Variants in BMAL1 observed in about 807,000 individuals in gnomAD.
BMAL1 encodes basic helix-loop-helix ARNT like 1, also known as basic helix-loop-helix ARNT-like protein 1.
At chr11:13,287,127 A>G in the BMAL1 span, among the ~76,000 whole-genome samples, 1 of 152,206 alleles carries the variant, frequency 6.6e-6, no homozygotes, top group African/African-American at 2.4e-5. Flanking sequence ...TTTCGACATC[A>G]TGAACCACAT....
At chr11:13,376,826 T>C in the BMAL1 span, 2 of 1,194,344 alleles carry the variant, frequency 1.7e-6, no homozygotes, top group South Asian at 1.5e-5. Flanking sequence ...TCCATTCATA[T>C]TCTGTGGAAC....
chr11:13,380,654 A>G, the BMAL1 span: 5 of 153,924 alleles, frequency 3.2e-5, no homozygotes, highest in Non-Finnish European at 5.8e-5. Context: ...CCATGTCCTA[A>G]GAGTATTCAC....
chr11:13,381,333 T>TG, the BMAL1 span: 1 of 1,356,366 alleles, frequency 7.4e-7, no homozygotes, highest in Non-Finnish European at 1.0e-6. Flanking sequence ...AGTATGGAAT[T>TG]GCAACTGCGA....
At chr11:13,301,414 G>A in the BMAL1 span, among the ~76,000 whole-genome samples, 3 of 152,232 alleles carry the variant, frequency 2.0e-5, no homozygotes, top group African/African-American at 7.2e-5. Context: ...CAGGGAGTGG[G>A]AAGGATAAAG....
the BMAL1 span, among the ~76,000 whole-genome samples, chr11:13,298,198 A>G: frequency 6.6e-6 from 1 of 152,218 alleles, no homozygotes; most frequent in African/African-American, 2.4e-5. Context: ...GTGCAGCTGT[A>G]CATGCTGCTC....
chr11:13,325,223 C>T, the BMAL1 span, among the ~76,000 whole-genome samples: 1 of 152,204 alleles, frequency 6.6e-6, no homozygotes, highest in Non-Finnish European at 1.5e-5. Flanking sequence ...GGCATTGGCT[C>T]TCTGGGGAGT....
At chr11:13,306,477 C>T in the BMAL1 span, among the ~76,000 whole-genome samples, 2 of 152,174 alleles carry the variant, frequency 1.3e-5, no homozygotes, top group African/African-American at 2.4e-5. Flanking sequence ...AGGGAGGGGT[C>T]TAAGCGTGGC....
chr11:13,331,783 C>T, the BMAL1 span, among the ~76,000 whole-genome samples: 1 of 152,210 alleles, frequency 6.6e-6, no homozygotes, highest in African/African-American at 2.4e-5. Flanking sequence ...ATGTCAGGCA[C>T]AGTGCCTAAG....
chr11:13,308,211 G>T, the BMAL1 span, among the ~76,000 whole-genome samples: 1 of 152,194 alleles, frequency 6.6e-6, no homozygotes, highest in East Asian at 1.9e-4. Context: ...GAAGAACATT[G>T]TCTTAAACTG....
the BMAL1 span, among the ~76,000 whole-genome samples, chr11:13,373,942 C>T: frequency 6.6e-6 from 1 of 151,686 alleles, no homozygotes; most frequent in Admixed American, 6.6e-5. Flanking sequence ...GAGAAAGATC[C>T]ACACAGTGAG....
chr11:13,354,243 C>T, the BMAL1 span: 2 of 1,450,644 alleles, frequency 1.4e-6, no homozygotes, highest in Non-Finnish European at 1.8e-6. Context: ...GGGTTCTCCA[C>T]CACTTTTGAG....
the BMAL1 span, among the ~76,000 whole-genome samples, chr11:13,328,941 T>A: frequency 6.6e-6 from 1 of 152,182 alleles, no homozygotes; most frequent in Non-Finnish European, 1.5e-5. Context: ...AATACTGCTG[T>A]AGGGATTGAA....
At chr11:13,378,244 A>G in the BMAL1 span, 1,171,990 of 1,426,412 alleles carry the variant, frequency 0.82, 484,973 homozygotes, top group Non-Finnish European at 0.84. Context: ...TGAACTGCAA[A>G]TGGATCATGG....
chr11:13,277,684 T>C, the BMAL1 span: 140,382 of 145,040 alleles, frequency 0.97, 67,930 homozygotes, highest in East Asian at 1. Flanking sequence ...ATCCGGGCGC[T>C]GCGGCTCCTC....
the BMAL1 span, among the ~76,000 whole-genome samples, chr11:13,297,826 G>A: frequency 6.6e-6 from 1 of 152,198 alleles, no homozygotes; most frequent in Non-Finnish European, 1.5e-5. Context: ...AGTGCTCATG[G>A]AACCTACTGC....
chr11:13,345,818 T>C, the BMAL1 span, among the ~76,000 whole-genome samples: 1 of 152,244 alleles, frequency 6.6e-6, no homozygotes, highest in Non-Finnish European at 1.5e-5. Context: ...TTCCTGTTCC[T>C]GCTCTTGGAT....
the BMAL1 span, among the ~76,000 whole-genome samples, chr11:13,310,786 C>T: frequency 6.6e-6 from 1 of 152,328 alleles, no homozygotes; most frequent in South Asian, 2.1e-4. Context: ...AGACTTTATC[C>T]TGAAGGCAGT....
At chr11:13,294,960 C>T in the BMAL1 span, among the ~76,000 whole-genome samples, 1 of 152,178 alleles carries the variant, frequency 6.6e-6, no homozygotes, top group Non-Finnish European at 1.5e-5. Context: ...TGTGCAGCTT[C>T]CTCTTCCTCT....
chr11:13,355,373 T>G, the BMAL1 span: 3 of 1,364,302 alleles, frequency 2.2e-6, no homozygotes, highest in Non-Finnish European at 3.1e-6. Flanking sequence ...AGGGCGTTCT[T>G]CCATAGCAGT....
Sources: allele counts gnomAD v4.1 joint callset (sites outside exome capture counted in the v4.1 genomes callset), GRCh38; gene constraint gnomAD v4.1.1; transcripts MANE v1.5; gene names NCBI Gene and HGNC (gene_info 2026-07-23, HGNC 2026-07-21).